The following AGAP1 variants were observed in gnomAD, a reference collection of about 807,000 sequenced individuals.
AGAP1 encodes the protein arf-GAP with GTPase, ANK repeat and PH domain-containing protein 1.
Under a neutral mutation model 105.3 loss-of-function variants are expected in AGAP1, and 29 were observed. The observed-to-expected ratio is 0.28, with a 90% CI of 0.21 to 0.38. The LOEUF (loss-of-function observed/expected upper bound fraction) is 0.38, where lower values mean the gene tolerates loss of function less well. AGAP1 is among the 10% of genes least tolerant of loss of function. The pLI is 1.00. For missense variants in AGAP1, 998 were observed against 1,165.1 expected (o/e 0.86, Z 2.09); for synonymous variants, 509 against 485.9 (o/e 1.05, Z -0.63).
In AGAP1 at chr2:235,635,378, C is replaced by A. The variant is rs1271328757; in HGVS notation, c.164-73801C>A. On this transcript the variant is annotated intron_variant, in intron 1 of 17. Coordinates refer to ENST00000304032, the MANE Select transcript of AGAP1 (RefSeq NM_001037131.3). This position sits in a 1 kb window ranked among gnomAD's most constrained non-coding sequence, Gnocchi z 5.3. ...ATTTCTCCGTTTCTCCTTTTCTCTG[C>A]CCGTAGGATTGACTTTCATCTTGCC... Among the ~76,000 whole-genome samples the A allele has an allele frequency of 6.6e-6, 1 of 152,202 alleles. No homozygotes were observed. Among genetic ancestry groups the A allele is most frequent in the Non-Finnish European group, 1.5e-5 (1 of 68,038 alleles).
intron 15 of AGAP1, among the ~76,000 whole-genome samples, chr2:236,041,594 C>T (rs1001268195): frequency 9.9e-5 from 15 of 152,182 alleles, no homozygotes; most frequent in Non-Finnish European, 1.5e-5. Flanking sequence ...GCAGTCCCAG[C>T]CCAGAGACAG....
intron 1 of AGAP1, among the ~76,000 whole-genome samples, chr2:235,677,552 C>G (rs976644217): frequency 6.6e-6 from 1 of 152,056 alleles, no homozygotes; most frequent in Admixed American, 6.5e-5. Flanking sequence ...TTTCACGTGA[C>G]GTTGTGTGCC....
In AGAP1 at chr2:236,040,748, C is replaced by G. The variant is rs1285801272; in HGVS notation, c.1801-3C>G. The G allele has an allele frequency of 6.2e-7, 1 of 1,613,034 alleles. No homozygotes were observed. Among genetic ancestry groups the G allele is most frequent in the Non-Finnish European group, 8.5e-7 (1 of 1,180,026 alleles). On this transcript the variant is annotated splice_polypyrimidine_tract_variant and splice_region_variant and intron_variant, in intron 14 of 17. Coordinates refer to ENST00000304032, the MANE Select transcript of AGAP1 (RefSeq NM_001037131.3). This position sits in a 1 kb window ranked among gnomAD's most constrained non-coding sequence, Gnocchi z 5.6. ...TTGTATTTGTGTCTTCCTCCGTGCC[C>G]AGTCCCGGCTGACGAGCCAGAGCGA...
At position 236,023,509 on chromosome 2, in the gene AGAP1, A is replaced by T. The variant is rs182059647; in HGVS notation, c.1646-13052A>T. Among the ~76,000 whole-genome samples, 600 of 152,326 alleles carry T rather than the reference A, an allele frequency of 3.9e-3. 6 individuals are homozygous for T. Among genetic ancestry groups the T allele is most frequent in the African/African-American group, 0.013 (554 of 41,590 alleles). ...AAAAAGGGCTTGGCGGAAGGTAAGC[A>T]TCGGTGGTAATGTGTTCACCACGGC... On this transcript the variant is annotated intron_variant, in intron 13 of 17. Transcript: ENST00000304032.
Position 235,747,226 on chromosome 2 carries a change from A to T in AGAP1, c.538+2387A>T, listed in dbSNP as rs949537337. On this transcript the variant is annotated intron_variant, in intron 5 of 17. Coordinates refer to ENST00000304032, the MANE Select transcript of AGAP1 (RefSeq NM_001037131.3). The surrounding 1 kb of genome is among the most constrained non-coding windows in gnomAD (Gnocchi z 5.0). ...GAGTCTCCTGCCTGAGCCAAGGGGC[A>T]CATCGAGCCTCCTGCCAGGGTGGCT... is the stretch of plus-strand genomic sequence containing the variant. 7.2e-5 allele frequency among the ~76,000 whole-genome samples: 11 copies of T among 152,156 alleles called. No homozygotes were observed. Among genetic ancestry groups the T allele is most frequent in the African/African-American group, 2.2e-4 (9 of 41,434 alleles).
chr2:235,511,096 A>G (rs1041465807), intron 1 of AGAP1, among the ~76,000 whole-genome samples: 7 of 152,094 alleles, frequency 4.6e-5, no homozygotes, highest in Non-Finnish European at 1.0e-4. Context: ...TTGGGGTGTC[A>G]TGGTTGTTAC....
intron 13 of AGAP1, among the ~76,000 whole-genome samples, chr2:236,010,939 C>T (rs1166975253): frequency 2.0e-5 from 3 of 152,076 alleles, no homozygotes; most frequent in East Asian, 1.9e-4. Context: ...CCCAGCTACT[C>T]GGGCGGCTGA....
chr2:236,106,193 G>A (rs770295201), intron 16 of AGAP1, among the ~76,000 whole-genome samples: 7 of 152,266 alleles, frequency 4.6e-5, no homozygotes, highest in African/African-American at 1.2e-4. Flanking sequence ...AGCACATACC[G>A]GAATCAGTGT....
In AGAP1 at chr2:236,121,189, G is replaced by A. The variant is rs2059888347; in HGVS notation, c.2370+742G>A. Among the ~76,000 whole-genome samples the A allele has an allele frequency of 6.6e-6, 1 of 152,256 alleles. No homozygotes were observed. Among genetic ancestry groups the A allele is most frequent in the African/African-American group, 2.4e-5 (1 of 41,460 alleles). The stretch of plus-strand genomic sequence containing the variant: ...CCCAGAGGTGGGACACCCAGCTGGA[G>A]GCTCTTCTGTCTCCACCCGCAAGGC... On this transcript the variant is annotated intron_variant, in intron 17 of 17. Coordinates refer to ENST00000304032, the MANE Select transcript of AGAP1 (RefSeq NM_001037131.3). This position sits in a 1 kb window ranked among gnomAD's most constrained non-coding sequence, Gnocchi z 4.9.
intron 12 of AGAP1, among the ~76,000 whole-genome samples, chr2:235,932,402 G>C (rs1191540913): frequency 6.6e-6 from 1 of 152,230 alleles, no homozygotes; most frequent in Admixed American, 6.5e-5. Flanking sequence ...GAGGAGCAGA[G>C]AGTTCACATA....
At chr2:235,643,413 A>G (rs1490205830) in intron 1 of AGAP1, among the ~76,000 whole-genome samples, 8 of 143,422 alleles carry the variant, frequency 5.6e-5, no homozygotes, top group Non-Finnish European at 9.0e-5. Context: ...CCTGGGCAAC[A>G]AGAGAGAGAC....
chr2:235,768,779 C>T (rs115097219), intron 6 of AGAP1, among the ~76,000 whole-genome samples: 27 of 152,316 alleles, frequency 1.8e-4, no homozygotes, highest in African/African-American at 5.8e-4. Context: ...AGCCTGCTCC[C>T]AGCACTGTTA....
chr2:235,911,622 A>G (rs1386928986), intron 11 of AGAP1, among the ~76,000 whole-genome samples: 1 of 152,256 alleles, frequency 6.6e-6, no homozygotes, highest in Non-Finnish European at 1.5e-5. Flanking sequence ...ACCGTACCAT[A>G]TCTGATGGAG....
At chr2:235,536,352 TAC>T (rs377056564) in intron 1 of AGAP1, among the ~76,000 whole-genome samples, 1 of 2,488 alleles carries the variant, frequency 4.0e-4, no homozygotes, top group Non-Finnish European at 5.3e-4. Context: ...TGTGGCATCC[TAC>T]ACACACACAC....
Position 236,012,575 on chromosome 2 carries a change from G to A in AGAP1, c.1646-23986G>A, listed in dbSNP as rs536123362. Among the ~76,000 whole-genome samples the A allele has an allele frequency of 1.3e-5, 2 of 152,228 alleles. No individual in the cohort carries two copies. Among genetic ancestry groups the A allele is most frequent in the East Asian group, 1.9e-4 (1 of 5,176 alleles). On this transcript the variant is annotated intron_variant, in intron 13 of 17. Transcript: ENST00000304032. The surrounding 1 kb of genome is among the most constrained non-coding windows in gnomAD (Gnocchi z 4.9). ...GTTCCTCATGCATGGTATTTGTACC[G>A]GTGGGTACCTGAAGATCCTTTTCCC...
chr2:235,979,710 T>A lies in AGAP1; in HGVS notation c.1645+11087T>A, dbSNP rs2125401733. Among the ~76,000 whole-genome samples, 1 of 152,322 alleles carries A rather than the reference T, an allele frequency of 6.6e-6. No individual in the cohort carries two copies. Among genetic ancestry groups the A allele is most frequent in the Non-Finnish European group, 1.5e-5 (1 of 68,022 alleles). On this transcript the variant is annotated intron_variant, in intron 13 of 17. Coordinates refer to ENST00000304032, the MANE Select transcript of AGAP1 (RefSeq NM_001037131.3). This position sits in a 1 kb window ranked among gnomAD's most constrained non-coding sequence, Gnocchi z 4.5. ...GCCATTTGTCTGTGGGGTAATGGGC[T>A]TTGCTGCAATATGAAAATCTATCAA... is the stretch of plus-strand genomic sequence containing the variant.
At chr2:235,881,363 C>T (rs2106618999) in intron 9 of AGAP1, among the ~76,000 whole-genome samples, 1 of 152,288 alleles carries the variant, frequency 6.6e-6, no homozygotes, top group South Asian at 2.1e-4. Flanking sequence ...TCGGCTTTCT[C>T]AAAGCGTCTT....
chr2:236,052,738 T>C (rs1252192486), intron 16 of AGAP1, among the ~76,000 whole-genome samples: 2 of 152,156 alleles, frequency 1.3e-5, no homozygotes, highest in African/African-American at 4.8e-5. Context: ...GATATTAAAT[T>C]TATTGTCGCA....
intron 12 of AGAP1, among the ~76,000 whole-genome samples, chr2:235,948,025 C>A (rs1302086016): frequency 6.6e-6 from 1 of 152,224 alleles, no homozygotes; most frequent in Admixed American, 6.5e-5. Context: ...CCCTGTGTGC[C>A]CACCTGAATG....
Sources: allele counts gnomAD v4.1 joint callset (sites outside exome capture counted in the v4.1 genomes callset), GRCh38; gene constraint gnomAD v4.1.1; non-coding constraint Gnocchi (gnomAD v3.1); transcripts MANE v1.5; gene names NCBI Gene and HGNC (gene_info 2026-07-23, HGNC 2026-07-21).